DENND5B: variants seen among roughly 807,000 people sequenced by gnomAD.
DENND5B encodes DENN domain containing 5B, also known as DENN domain-containing protein 5B.
Under a neutral mutation model 140.6 loss-of-function variants are expected in DENND5B, and 34 were observed. That is an observed-to-expected ratio of 0.24 (90% CI 0.18 to 0.32). The LOEUF is 0.32. Ranked by LOEUF, DENND5B falls within the 10% of genes least tolerant of loss-of-function variation. DENND5B has a pLI of 1.00. For synonymous variants in DENND5B, 551 were observed against 562.1 expected, an observed-to-expected ratio of 0.98 and a Z score of 0.28; for missense variants, 1,142 against 1,560.2, an observed-to-expected ratio of 0.73 and a Z score of 4.52.
At chr12:31,507,688 A>G (rs2138882230) in intron 1 of DENND5B, among the ~76,000 whole-genome samples, 1 of 152,330 alleles carries the variant, frequency 6.6e-6, no homozygotes, top group African/African-American at 2.4e-5. Context: ...AAGAGGAAAG[A>G]GTCCATAATT....
rs1943242797 is a variant in DENND5B at position 31,426,512 on chromosome 12, T to C, written c.2107-88A>G. On this transcript the variant is annotated intron_variant, in intron 8 of 20. Transcript: ENST00000389082. Reference sequence around the variant, plus strand: ...TTATACAAACAAGTGCAGAGACAAATGAAATGCAAAAAAGTCCGTAAGTGT... The same window carrying C: ...TTATACAAACAAGTGCAGAGACAAACGAAATGCAAAAAAGTCCGTAAGTGT... 6 of 1,447,712 alleles carry C rather than the reference T, an allele frequency of 4.1e-6. No homozygotes were observed. The Admixed American group carries it at 1.3e-4, about 31-fold the overall frequency. The allele number at this position is 1,447,712 out of a possible 1,614,324, so 89.7% of individuals were successfully genotyped here. A position where few individuals can be genotyped will look rare whatever the true frequency, so the allele number is the denominator to read the frequency against.
chr12:31,566,187 G>A (rs1021810017), intron 1 of DENND5B, among the ~76,000 whole-genome samples: 5 of 152,080 alleles, frequency 3.3e-5, no homozygotes, highest in Admixed American at 2.0e-4. Context: ...AGTCATGGTG[G>A]TGCACACCTG....
intron 1 of DENND5B, among the ~76,000 whole-genome samples, chr12:31,548,829 T>C (rs1948945033): frequency 6.6e-6 from 1 of 152,196 alleles, no homozygotes; most frequent in Non-Finnish European, 1.5e-5. Flanking sequence ...GAATATATTA[T>C]TGGGTACAGC....
chr12:31,463,690 T>TC (rs1481356563), intron 3 of DENND5B, among the ~76,000 whole-genome samples: 13 of 152,160 alleles, frequency 8.5e-5, no homozygotes, highest in African/African-American at 3.1e-4. Context: ...GATCGAGTTT[T>TC]CACTCTTGCT....
At position 31,433,241 on chromosome 12, in the gene DENND5B, C is replaced by A; in HGVS notation, c.2020G>T (p.Val674Leu). The part of the protein sequence containing the change: ...ATGPTSNNRW[V>L]SRSATAQRRK... ...CGCTGTGCAGTGGCACTCCGACTTACCCAGCGACTGAAACAATCAAATTAT... is the reference window on the plus strand; with the variant it reads ...CGCTGTGCAGTGGCACTCCGACTTAACCAGCGACTGAAACAATCAAATTAT... Residue 674 changes from valine to leucine, a missense_variant, in exon 8 of 21, where the codon GTA (valine) becomes TTA (leucine). Around this residue, in one of 5 missense-constraint regions of DENND5B, gnomAD observed 708 missense variants for 905.5 expected, o/e 0.78. Transcript: ENST00000389082. The A allele has an allele frequency of 6.2e-7, 1 of 1,609,060 alleles. No homozygotes were observed. The highest frequency in any genetic ancestry group is 8.5e-7 in the Non-Finnish European group (1 of 1,178,366).
rs758876035 is a variant in DENND5B, at chr12:31,442,906, T to C, written c.1881A>G (p.Arg627=). The change falls in exon 7 of 21, where the codon AGA becomes AGG. Residue 627 remains arginine, a synonymous_variant. Coordinates refer to ENST00000389082, the MANE Select transcript of DENND5B (RefSeq NM_144973.4). Reference sequence around the variant, plus strand: ...TTGCAGTGTGATCCATTTTCATCAGTCTCTGCTCAATTGATTGGGCTATAA... The same window carrying C: ...TTGCAGTGTGATCCATTTTCATCAGCCTCTGCTCAATTGATTGGGCTATAA... The part of the protein sequence containing the change: ...LKEAAQSIEQ[R]LMKMDHTAIH... The C allele has an allele frequency of 6.3e-7, 1 of 1,587,626 alleles. No homozygotes were observed. The highest frequency in any genetic ancestry group is 1.1e-5 in the South Asian group (1 of 87,416).
chr12:31,483,865 CTTTTTTTTTT>C (rs200066618), intron 2 of DENND5B, among the ~76,000 whole-genome samples: 38 of 129,410 alleles, frequency 2.9e-4, no homozygotes, highest in African/African-American at 9.8e-4. Context: ...CTTTTCTTTT[CTTTTTTTTTT>C]TTTTTTTGAG....
chr12:31,497,951 A>C (rs1287343076), intron 1 of DENND5B, among the ~76,000 whole-genome samples: 2 of 57,214 alleles, frequency 3.5e-5, no homozygotes, highest in African/African-American at 1.5e-4. Context: ...GGCGGGGAGG[A>C]GAGGGGAGGG....
At chr12:31,559,410 T>C (rs1949400427) in intron 1 of DENND5B, among the ~76,000 whole-genome samples, 1 of 152,210 alleles carries the variant, frequency 6.6e-6, no homozygotes, top group Admixed American at 6.5e-5. Flanking sequence ...CAGGTATTTA[T>C]CATTCATTAC....
chr12:31,392,404 T>C lies in DENND5B; in HGVS notation c.3340-11A>G, dbSNP rs1450080830. ...GGTGAGGCTTCCTCTCTGTGGGGCA[T>C]AACACACAGTGCCAAAGAAAAATCT... On this transcript the variant is annotated splice_polypyrimidine_tract_variant and intron_variant, in intron 18 of 20. Transcript: ENST00000389082. 1.2e-6 allele frequency: 2 copies of C among 1,612,530 alleles called. No individual in the cohort carries two copies. Among genetic ancestry groups the C allele is most frequent in the Non-Finnish European group, 1.7e-6 (2 of 1,179,482 alleles).
chr12:31,519,391 AC>A (rs1947795943), intron 1 of DENND5B, among the ~76,000 whole-genome samples: 1 of 152,230 alleles, frequency 6.6e-6, no homozygotes, highest in Non-Finnish European at 1.5e-5. Flanking sequence ...GTAGATATAA[AC>A]AACTCTGTCT....
At chr12:31,429,509 A>C (rs2137792720) in intron 8 of DENND5B, among the ~76,000 whole-genome samples, 1 of 152,230 alleles carries the variant, frequency 6.6e-6, no homozygotes, top group Middle Eastern at 3.4e-3. Context: ...CCTGGGTTCA[A>C]GCAGTTCTCC....
At chr12:31,418,821 T>C (rs949592727) in intron 11 of DENND5B, among the ~76,000 whole-genome samples, 2 of 151,212 alleles carry the variant, frequency 1.3e-5, no homozygotes, top group Non-Finnish European at 2.9e-5. Context: ...TTTTAAATAA[T>C]AGAGATGGGG....
intron 13 of DENND5B, among the ~76,000 whole-genome samples, chr12:31,410,592 A>G (rs1450009498): frequency 6.6e-6 from 1 of 151,944 alleles, no homozygotes; most frequent in Non-Finnish European, 1.5e-5. Context: ...TTTAGTAGAG[A>G]TGGGGTCTCA....
At chr12:31,517,969 G>T (rs988255368) in intron 1 of DENND5B, among the ~76,000 whole-genome samples, 1 of 152,174 alleles carries the variant, frequency 6.6e-6, no homozygotes, top group Non-Finnish European at 1.5e-5. Context: ...AGAAAGTGGG[G>T]GCTCCTTCCC....
intron 1 of DENND5B, among the ~76,000 whole-genome samples, chr12:31,567,290 C>T (rs1022404742): frequency 4.7e-5 from 7 of 149,804 alleles, no homozygotes; most frequent in Non-Finnish European, 1.0e-4. Flanking sequence ...TGCACTCCAG[C>T]CTGTGTGCCA....
rs574691677 is a variant in DENND5B at position 31,454,963 on chromosome 12, T to G, written c.1093-2487A>C. On this transcript the variant is annotated intron_variant, in intron 4 of 20. Transcript: ENST00000389082. ...CCTCCCAAGTAGCTGGGACTACAGG[T>G]GCCTGCCACCACGCCCGGCTAATTT... Among the ~76,000 whole-genome samples the G allele has an allele frequency of 4.0e-5, 6 of 151,736 alleles. No homozygotes were observed. In the South Asian group the frequency reaches 1.3e-3, roughly 32 times the overall value.
At chr12:31,446,886 CAAAAA>C (rs534785761) in intron 6 of DENND5B, among the ~76,000 whole-genome samples, 2 of 71,314 alleles carry the variant, frequency 2.8e-5, no homozygotes, top group Non-Finnish European at 5.7e-5. Context: ...GACTCCGCCT[CAAAAA>C]AAAAAAAAAG....
intron 19 of DENND5B, 116 bp downstream of exon 19, chr12:31,392,151 A>G (rs879077953): frequency 6.3e-6 from 7 of 1,105,810 alleles, no homozygotes; most frequent in South Asian, 4.5e-5. Context: ...AAAAAAAAAA[A>G]GAAAAAAAAT....
Sources: allele counts gnomAD v4.1 joint callset (sites outside exome capture counted in the v4.1 genomes callset), GRCh38; gene constraint gnomAD v4.1.1; regional missense constraint gnomAD v4.1.1; transcripts MANE v1.5; gene names NCBI Gene and HGNC (gene_info 2026-07-23, HGNC 2026-07-21).